The following SIK2 variants were observed in gnomAD, a reference collection of about 807,000 sequenced individuals.
SIK2 encodes salt inducible kinase 2.
SIK2 carries 29 observed loss-of-function variants against 103.2 expected under a neutral mutation model. The observed-to-expected ratio is 0.28, with a 90% CI of 0.21 to 0.38. SIK2 has a LOEUF of 0.38. Ranked by LOEUF, SIK2 falls within the 10% of genes least tolerant of loss-of-function variation. The probability of loss-of-function intolerance (pLI) is 1.00; values close to 1 mark genes in which losing one functional copy is unlikely to be tolerated. For synonymous variants in SIK2, 412 were observed against 446.1 expected (o/e 0.92, Z 0.96); for missense variants, 879 against 1,171.0 (o/e 0.75, Z 3.64).
intron 3 of SIK2, among the ~76,000 whole-genome samples, chr11:111,661,604 T>A (rs1363211527): frequency 6.6e-6 from 1 of 152,232 alleles, no homozygotes; most frequent in African/African-American, 2.4e-5. Flanking sequence ...ACTGAGACTG[T>A]GTATTAGTTG....
intron 3 of SIK2, among the ~76,000 whole-genome samples, chr11:111,631,643 A>G (rs934804772): frequency 1.3e-5 from 2 of 152,216 alleles, no homozygotes; most frequent in East Asian, 1.9e-4. Context: ...CAACATTTAT[A>G]TATTAAAAAT....
At chr11:111,658,931 C>T (rs528064435) in intron 3 of SIK2, among the ~76,000 whole-genome samples, 4 of 152,096 alleles carry the variant, frequency 2.6e-5, no homozygotes, top group South Asian at 4.2e-4. Context: ...ATGCAGAGCC[C>T]GGCATTCTTT....
rs190795848 is a variant in SIK2 at position 111,691,984 on chromosome 11, G to A, written c.478+3822G>A. Among the ~76,000 whole-genome samples the A allele has an allele frequency of 1.6e-4, 25 of 152,180 alleles. No homozygotes were observed. In the East Asian group the frequency reaches 4.6e-3, roughly 28 times the overall value. Reference sequence around the variant, plus strand: ...GACTAACTCTGTCTGGAAGAATCAGGGAAATTATTAGCTAACACTTGATTA... The same window carrying A: ...GACTAACTCTGTCTGGAAGAATCAGAGAAATTATTAGCTAACACTTGATTA... On this transcript the variant is annotated intron_variant, in intron 4 of 14. Coordinates refer to ENST00000304987, the MANE Select transcript of SIK2 (RefSeq NM_015191.3).
At chr11:111,646,355 A>G (rs950249267) in intron 3 of SIK2, among the ~76,000 whole-genome samples, 4 of 152,210 alleles carry the variant, frequency 2.6e-5, no homozygotes, top group African/African-American at 9.6e-5. Flanking sequence ...AGGCTGAAGC[A>G]GGAGAATCGC....
intron 3 of SIK2, among the ~76,000 whole-genome samples, chr11:111,660,349 CTCT>C (rs141549504): frequency 0.015 from 2,255 of 152,214 alleles, 56 homozygotes; most frequent in South Asian, 0.1. Context: ...CGTGTATAAG[CTCT>C]TCTTCTAAAA....
Position 111,701,055 on chromosome 11 carries a change from A to C in SIK2, c.603+45A>C. On this transcript the variant is annotated intron_variant, in intron 5 of 14. Transcript: ENST00000304987. The surrounding 1 kb of genome is among the most constrained non-coding windows in gnomAD (Gnocchi z 4.2). ...TGTTGTTAAATGCATCTATACTGAT[A>C]ATACTTGGTGTTCTGGCCCATCTTA... is the stretch of plus-strand genomic sequence containing the variant. The C allele has an allele frequency of 6.3e-7, 1 of 1,588,420 alleles. No individual in the cohort carries two copies.
intron 8 of SIK2, among the ~76,000 whole-genome samples, chr11:111,708,182 G>A (rs1324969998): frequency 2.0e-5 from 3 of 152,138 alleles, no homozygotes; most frequent in Non-Finnish European, 4.4e-5. Flanking sequence ...AGGAGTTTGA[G>A]ACCAGCCTGG....
Position 111,725,843 on chromosome 11 carries a change from T to C in SIK2, c.*1714T>C, listed in dbSNP as rs1591654098. 1 of 152,530 alleles carries C rather than the reference T, an allele frequency of 6.6e-6. No homozygotes were observed. Among genetic ancestry groups the C allele is most frequent in the Non-Finnish European group, 1.5e-5 (1 of 68,048 alleles). 9.4% of individuals were successfully genotyped at this position (152,530 alleles called of 1,614,324 possible). ...ACTGCCTGGTCGCCAGCGCTCACCA[T>C]GGGTGCCAGGATGCTTCGCAGAGGC... On this transcript the variant is annotated 3_prime_UTR_variant, in exon 15 of 15. Transcript: ENST00000304987.
chr11:111,629,107 T>C (rs1942004406), intron 3 of SIK2, among the ~76,000 whole-genome samples: 1 of 152,136 alleles, frequency 6.6e-6, no homozygotes, highest in Admixed American at 6.5e-5. Flanking sequence ...AGGCTGAATG[T>C]TTGGGTTAAG....
intron 4 of SIK2, 109 bp from the exon 5 acceptor site, chr11:111,700,777 G>A (rs1943194462): frequency 7.4e-7 from 1 of 1,343,896 alleles, no homozygotes; most frequent in African/African-American, 1.5e-5. Context: ...AGTCCTCACA[G>A]TAAATAGTAG....
intron 3 of SIK2, among the ~76,000 whole-genome samples, chr11:111,645,577 T>C (rs1942244508): frequency 6.6e-6 from 1 of 152,134 alleles, no homozygotes; most frequent in African/African-American, 2.4e-5. Flanking sequence ...TCCCAGCACT[T>C]TGGGAGGCCA....
chr11:111,724,062 G>A lies in SIK2; in HGVS notation c.2714G>A (p.Gly905Glu), dbSNP rs780343251. 5.6e-6 allele frequency: 9 copies of A among 1,613,992 alleles called. No individual in the cohort carries two copies. Among genetic ancestry groups the A allele is most frequent in the South Asian group, 2.2e-5 (2 of 91,076 alleles). Residue 905 changes from glycine (G) to glutamate (E), a missense_variant, in exon 15 of 15, where the codon GGA becomes GAA. Gly to Glu is a moderately conservative substitution (Grantham distance 98, BLOSUM62 -2). Transcript: ENST00000304987. ...YDPLALSELP[G>E]LFDCEMLDAV... ...CCACTAGCCCTCTCTGAGCTACCTG[G>A]ACTCTTTGATTGTGAAATGCTAGAC...
intron 3 of SIK2, among the ~76,000 whole-genome samples, chr11:111,655,977 G>T (rs1485709588): frequency 6.7e-6 from 1 of 148,292 alleles, no homozygotes; most frequent in Non-Finnish European, 1.5e-5. Flanking sequence ...AAGCTTAGGA[G>T]TTCGAGACCA....
At chr11:111,669,595 GAAAA>G (rs909034327) in intron 3 of SIK2, among the ~76,000 whole-genome samples, 3 of 46,492 alleles carry the variant, frequency 6.5e-5, no homozygotes, top group African/African-American at 8.5e-5. Context: ...TTTTAAAAAA[GAAAA>G]AAAAAGAAAG....
At chr11:111,616,043 C>G (rs925720227) in intron 1 of SIK2, among the ~76,000 whole-genome samples, 200 bp from the exon 2 acceptor site, 2 of 152,222 alleles carry the variant, frequency 1.3e-5, no homozygotes, top group East Asian at 3.8e-4. Flanking sequence ...ACTAAAGACA[C>G]TGCCAAACAA....
At chr11:111,711,900 G>T (rs1470099467) in intron 8 of SIK2, among the ~76,000 whole-genome samples, 3 of 152,220 alleles carry the variant, frequency 2.0e-5, no homozygotes, top group Non-Finnish European at 4.4e-5. Context: ...TATGTTTGTT[G>T]AATTGAACGA....
Position 111,701,319 on chromosome 11 carries a change from A to C in SIK2, c.604-133A>C, listed in dbSNP as rs1440976177. On this transcript the variant is annotated intron_variant, in intron 5 of 14. Transcript: ENST00000304987. The surrounding 1 kb of genome is among the most constrained non-coding windows in gnomAD (Gnocchi z 4.2). ...AGTCAGGGTTTTGGATTTTTTTCAA[A>C]TTCTGAGAAAATAATAAATCCAGAC... is the stretch of plus-strand genomic sequence containing the variant. 4 of 1,266,936 alleles carry C rather than the reference A, an allele frequency of 3.2e-6. No homozygotes were observed. Among genetic ancestry groups the C allele is most frequent in the Non-Finnish European group, 3.2e-6 (3 of 937,042 alleles). 78.5% of individuals were successfully genotyped at this position (1,266,936 alleles called of 1,614,324 possible).
chr11:111,606,987 A>T (rs1281157051), intron 1 of SIK2, among the ~76,000 whole-genome samples: 2 of 152,000 alleles, frequency 1.3e-5, no homozygotes, highest in Non-Finnish European at 2.9e-5. Flanking sequence ...ATAAATGAAA[A>T]GAATTCCCCA....
At chr11:111,716,232 A>G (rs931705306) in intron 9 of SIK2, among the ~76,000 whole-genome samples, 2 of 152,148 alleles carry the variant, frequency 1.3e-5, no homozygotes, top group Non-Finnish European at 2.9e-5. Context: ...TTTCGTGTCT[A>G]CTTACATTTT....
Sources: allele counts gnomAD v4.1 joint callset (sites outside exome capture counted in the v4.1 genomes callset), GRCh38; gene constraint gnomAD v4.1.1; non-coding constraint Gnocchi (gnomAD v3.1); transcripts MANE v1.5; gene names NCBI Gene and HGNC (gene_info 2026-07-23, HGNC 2026-07-21).